The following NBAS variants were observed in gnomAD, a reference collection of about 807,000 sequenced individuals.
NBAS encodes NBAS subunit of NRZ tethering complex.
A neutral mutation model predicts 302.5 loss-of-function variants in NBAS; 219 were observed. That is an observed-to-expected ratio of 0.72 (90% confidence interval 0.65 to 0.81). NBAS has a LOEUF of 0.81. Ranked by LOEUF, NBAS falls within the 30% of genes least tolerant of loss-of-function variation. The pLI, the probability that NBAS is intolerant of heterozygous loss-of-function variation, is 0.00. For synonymous variants in NBAS, 1,118 were observed against 1,021.6 expected, an observed-to-expected ratio of 1.09 and a Z score of -1.80; for missense variants, 2,932 against 2,841.6, an observed-to-expected ratio of 1.03 and a Z score of -0.72.
At chr2:14,828,316 C>T in the NBAS span, among the ~76,000 whole-genome samples, 1 of 152,110 alleles carries the variant, frequency 6.6e-6, no homozygotes, top group Admixed American at 6.6e-5. Context: ...CAGGAAAGGT[C>T]TTTCCATGGA....
intron 11 of NBAS, 115 bp from the exon 12 acceptor site, chr2:15,489,137 G>C: frequency 1.7e-6 from 2 of 1,172,526 alleles, no homozygotes; most frequent in Non-Finnish European, 2.5e-6. Context: ...GTAATTAAGA[G>C]TTCTGCCAGC....
chr2:15,425,135 T>C (rs567819445), intron 22 of NBAS, among the ~76,000 whole-genome samples: 3 of 146,014 alleles, frequency 2.1e-5, no homozygotes, highest in South Asian at 4.5e-4. Flanking sequence ...AGAATGATCA[T>C]GGCCAATTGC....
intron 48 of NBAS, among the ~76,000 whole-genome samples, chr2:15,191,128 C>T (rs1036559804): frequency 7.2e-5 from 11 of 152,222 alleles, no homozygotes; most frequent in Admixed American, 6.5e-4. Context: ...CTGGTTCTCT[C>T]ATTTTCTAGC....
At chr2:15,463,644 T>C (rs1679600360) in intron 19 of NBAS, among the ~76,000 whole-genome samples, 2 of 152,032 alleles carry the variant, frequency 1.3e-5, no homozygotes, top group Non-Finnish European at 2.9e-5. Flanking sequence ...CAGCAAATCA[T>C]ACCCTAACCA....
the NBAS span, among the ~76,000 whole-genome samples, chr2:14,888,423 G>A: frequency 1.3e-5 from 2 of 151,382 alleles, no homozygotes; most frequent in East Asian, 1.9e-4. Flanking sequence ...GAGCCACCAT[G>A]CCTGGCCCTG....
At chr2:15,530,627 TC>T (rs1663172098) in intron 9 of NBAS, among the ~76,000 whole-genome samples, 1 of 152,034 alleles carries the variant, frequency 6.6e-6, no homozygotes, top group Non-Finnish European at 1.5e-5. Context: ...ATTTTACTTC[TC>T]TTTTTTCCAC....
intron 47 of NBAS, among the ~76,000 whole-genome samples, chr2:15,231,147 C>A (rs1371797757): frequency 6.6e-6 from 1 of 152,200 alleles, no homozygotes; most frequent in Non-Finnish European, 1.5e-5. Flanking sequence ...TGACTTCACA[C>A]AGAGCATGGC....
the NBAS span, among the ~76,000 whole-genome samples, chr2:15,089,565 G>T: frequency 6.6e-6 from 1 of 152,254 alleles, no homozygotes; most frequent in South Asian, 2.1e-4. Flanking sequence ...CAAAACAGGG[G>T]TGGAGGCGGG....
the NBAS span, among the ~76,000 whole-genome samples, chr2:14,847,357 T>C: frequency 1.6e-5 from 2 of 121,966 alleles, no homozygotes; most frequent in African/African-American, 6.4e-5. Context: ...CACTCCAGCC[T>C]CGTCAACAGA....
the NBAS span, among the ~76,000 whole-genome samples, chr2:14,850,434 C>T: frequency 2.1e-5 from 2 of 95,790 alleles, no homozygotes; most frequent in Non-Finnish European, 3.7e-5. Flanking sequence ...TAAAGCAAGT[C>T]CTCAGTGACC....
At chr2:15,177,145 AG>A (rs1201380648) in intron 51 of NBAS, among the ~76,000 whole-genome samples, 1 of 152,192 alleles carries the variant, frequency 6.6e-6, no homozygotes, top group East Asian at 1.9e-4. Context: ...TTGGATCTGA[AG>A]GGCACAGACG....
intron 30 of NBAS, among the ~76,000 whole-genome samples, chr2:15,377,281 A>G (rs1177725184): frequency 6.6e-6 from 1 of 152,156 alleles, no homozygotes; most frequent in Admixed American, 6.6e-5. Context: ...AGTGCAAATG[A>G]AGCTGTTCAA....
At chr2:15,104,993 C>T in the NBAS span, among the ~76,000 whole-genome samples, 1 of 152,050 alleles carries the variant, frequency 6.6e-6, no homozygotes, top group East Asian at 1.9e-4. Context: ...ATAGCAAAGA[C>T]TTGGAACCAA....
the NBAS span, among the ~76,000 whole-genome samples, chr2:15,057,204 A>G: frequency 3.3e-5 from 5 of 151,908 alleles, 1 homozygote; most frequent in South Asian, 1.0e-3. Context: ...CAGGCCCCTC[A>G]GGCAGCCTTA....
chr2:15,134,886 T>C, the NBAS span, among the ~76,000 whole-genome samples: 2 of 152,208 alleles, frequency 1.3e-5, no homozygotes, highest in East Asian at 3.9e-4. Flanking sequence ...TCCCCTCTAA[T>C]GGGTCGGAGC....
intron 11 of NBAS, among the ~76,000 whole-genome samples, chr2:15,502,376 G>C (rs1455829237): frequency 2.6e-5 from 4 of 152,180 alleles, no homozygotes; most frequent in Admixed American, 2.6e-4. Context: ...TAACAACAGG[G>C]AGATGTTCTG....
At chr2:14,811,577 A>G in the NBAS span, among the ~76,000 whole-genome samples, 3 of 152,214 alleles carry the variant, frequency 2.0e-5, no homozygotes, top group Non-Finnish European at 4.4e-5. Flanking sequence ...GGTAGAGGTC[A>G]GGGATGCAGC....
chr2:15,266,507 G>T (rs1193307700), intron 44 of NBAS, among the ~76,000 whole-genome samples: 2 of 152,104 alleles, frequency 1.3e-5, no homozygotes, highest in East Asian at 3.9e-4. Flanking sequence ...CCTATCCAAG[G>T]TGAATTGTTC....
At chr2:15,030,780 G>A in the NBAS span, among the ~76,000 whole-genome samples, 1 of 152,192 alleles carries the variant, frequency 6.6e-6, no homozygotes. Flanking sequence ...ACTATCTTGT[G>A]CATGGTAGGA....
Sources: allele counts gnomAD v4.1 joint callset (sites outside exome capture counted in the v4.1 genomes callset), GRCh38; gene constraint gnomAD v4.1.1; transcripts MANE v1.5; gene names NCBI Gene and HGNC (gene_info 2026-07-23, HGNC 2026-07-21).